HYDIN: variants seen among roughly 807,000 people sequenced by gnomAD.
HYDIN encodes axonemal central pair apparatus protein HYDIN.
HYDIN carries 132 observed loss-of-function variants against 403.9 expected under a neutral mutation model. The observed-to-expected ratio is 0.33, with a 90% CI of 0.28 to 0.38. The LOEUF is 0.38. Ranked by LOEUF, HYDIN falls within the 10% of genes least tolerant of loss-of-function variation. HYDIN has a pLI of 1.00. For synonymous variants in HYDIN, 1,202 were observed against 1,891.7 expected (o/e 0.64, Z 9.46); for missense variants, 2,827 against 5,009.5 (o/e 0.56, Z 13.15).
chr16:70,933,051 T>A (rs1266695393), intron 45 of HYDIN, among the ~76,000 whole-genome samples: 1 of 151,746 alleles, frequency 6.6e-6, no homozygotes, highest in African/African-American at 2.4e-5. Context: ...ACACTTTATG[T>A]TTCTGCAAAC....
At chr16:70,958,319 C>G (rs1397283683) in intron 39 of HYDIN, among the ~76,000 whole-genome samples, 1 of 152,078 alleles carries the variant, frequency 6.6e-6, no homozygotes, top group Non-Finnish European at 1.5e-5. Context: ...TCTGTGAAAG[C>G]TGTAAGGTTC....
At chr16:70,865,072 T>G (rs1421030123) in intron 67 of HYDIN, 2 of 195,810 alleles carry the variant, frequency 1.0e-5, no homozygotes, top group Non-Finnish European at 2.1e-5. Flanking sequence ...ATGAGTTGAA[T>G]GAGCTAATTA....
At chr16:71,178,432 A>ATATATATATATATATATATATATGTAT (rs1555501903) in intron 4 of HYDIN, among the ~76,000 whole-genome samples, 1 of 80,780 alleles carries the variant, frequency 1.2e-5, no homozygotes, top group Non-Finnish European at 2.5e-5. Flanking sequence ...AAAAAAAAAA[A>ATATATATATATATATATATATATGTAT]AAATATATAT....
rs2039366605 is a variant in HYDIN at position 70,860,878 on chromosome 16, T to C, written c.11801A>G (p.Glu3934Gly). The change falls in exon 70 of 86, where the codon GAG (glutamate) becomes GGG (glycine). Residue 3934 changes from glutamate to glycine, a missense_variant. Physicochemically the swap from Glu to Gly is moderately conservative, Grantham distance 98 (BLOSUM62 -2). Transcript: ENST00000393567. Reference sequence around the variant, plus strand: ...TTTTGCTACCAGGACCGGACCTTGCTCTCCAGGTGGCAGGTTGGGAATCCT... The same window carrying C: ...TTTTGCTACCAGGACCGGACCTTGCCCTCCAGGTGGCAGGTTGGGAATCCT... ...FCQIPNLPPG[E>G]QGPVLVAKGR... The C allele has an allele frequency of 3.2e-6, 2 of 633,026 alleles. No homozygotes were observed. Among genetic ancestry groups the C allele is most frequent in the East Asian group, 2.7e-5 (1 of 36,428 alleles). The allele number at this position is 633,026 out of a possible 1,614,324, so 39.2% of individuals were successfully genotyped here. A position where few individuals can be genotyped will look rare whatever the true frequency, so the allele number is the denominator to read the frequency against.
At chr16:71,203,284 A>C (rs1340422216) in intron 1 of HYDIN, among the ~76,000 whole-genome samples, 1 of 151,904 alleles carries the variant, frequency 6.6e-6, no homozygotes, top group East Asian at 1.9e-4. Flanking sequence ...TAGTGTCCTA[A>C]CTAAACGGAC....
intron 40 of HYDIN, 48 bp downstream of exon 40, chr16:70,955,327 G>A (rs371651747): frequency 3.1e-6 from 4 of 1,278,644 alleles, no homozygotes; most frequent in Non-Finnish European, 4.3e-6. Context: ...GTTGTCAGTG[G>A]GGGTGTTGGT....
chr16:71,117,473 T>C (rs960641453), intron 9 of HYDIN, among the ~76,000 whole-genome samples: 4 of 152,090 alleles, frequency 2.6e-5, no homozygotes, highest in African/African-American at 9.7e-5. Flanking sequence ...ACTCAGTAAA[T>C]AACTGACTAC....
intron 47 of HYDIN, among the ~76,000 whole-genome samples, chr16:70,917,025 C>T (rs767916957): frequency 9.0e-4 from 137 of 152,232 alleles, no homozygotes; most frequent in Admixed American, 1.8e-3. Context: ...AGGGCTCAAG[C>T]GATCCTCCCA....
intron 39 of HYDIN, among the ~76,000 whole-genome samples, chr16:70,955,933 C>A (rs1204744969): frequency 7.2e-5 from 11 of 152,198 alleles, no homozygotes; most frequent in Non-Finnish European, 1.3e-4. Context: ...ATTCTCCTGC[C>A]TCAGCCTCCC....
At chr16:70,819,759 T>C (rs1262151933) in intron 83 of HYDIN, among the ~76,000 whole-genome samples, 1 of 151,080 alleles carries the variant, frequency 6.6e-6, no homozygotes, top group East Asian at 1.9e-4. Flanking sequence ...TAGTTCTTTA[T>C]ATAGTCTGGC....
intron 41 of HYDIN, 73 bp from the exon 42 acceptor site, chr16:70,944,022 C>A: frequency 8.7e-7 from 1 of 1,148,580 alleles, no homozygotes; most frequent in African/African-American, 1.5e-5. Context: ...TTACCAGCCA[C>A]AGGACCTTGG....
At chr16:71,192,628 C>G (rs921403737) in intron 1 of HYDIN, among the ~76,000 whole-genome samples, 1 of 152,164 alleles carries the variant, frequency 6.6e-6, no homozygotes, top group Non-Finnish European at 1.5e-5. Context: ...CCAGATTCAG[C>G]TGTCACCTCT....
chr16:70,882,213 T>A (rs2040851101), intron 60 of HYDIN, among the ~76,000 whole-genome samples: 1 of 152,162 alleles, frequency 6.6e-6, no homozygotes, highest in African/African-American at 2.4e-5. Context: ...AAGGAGGCAG[T>A]AAATATAAAT....
intron 18 of HYDIN, among the ~76,000 whole-genome samples, chr16:71,042,611 GT>G (rs1293474887): frequency 9.2e-5 from 14 of 152,228 alleles, no homozygotes; most frequent in Admixed American, 7.2e-4. Context: ...CTATGACGAC[GT>G]TTCCCTTCTT....
At chr16:71,182,580 G>T (rs2144658482) in intron 3 of HYDIN, among the ~76,000 whole-genome samples, 1 of 152,250 alleles carries the variant, frequency 6.6e-6, no homozygotes, top group South Asian at 2.1e-4. Context: ...AAAGCAGGAA[G>T]AAAGAGACAA....
At chr16:71,056,205 G>A (rs1262489266) in intron 18 of HYDIN, among the ~76,000 whole-genome samples, 1 of 150,904 alleles carries the variant, frequency 6.6e-6, no homozygotes, top group Non-Finnish European at 1.5e-5. Flanking sequence ...AGCCTGCTGG[G>A]AACTGTTGGT....
At chr16:70,990,309 T>C (rs1270306911) in intron 25 of HYDIN, among the ~76,000 whole-genome samples, 3 of 141,182 alleles carry the variant, frequency 2.1e-5, no homozygotes, top group Non-Finnish European at 4.5e-5. Context: ...GCACGAGAAT[T>C]GCTTGAACCC....
At chr16:70,943,660 TCGA>T in intron 42 of HYDIN, 149 bp downstream of exon 42, 1 of 1,099,680 alleles carries the variant, frequency 9.1e-7, no homozygotes, top group South Asian at 1.9e-5. Flanking sequence ...GGGTCAGGGG[TCGA>T]CAAGAGCTGT....
chr16:71,012,354 A>G (rs1410991417), intron 23 of HYDIN, among the ~76,000 whole-genome samples: 3 of 152,248 alleles, frequency 2.0e-5, no homozygotes, highest in Non-Finnish European at 1.5e-5. Context: ...ACCATCCACC[A>G]TGGTTGACCC....
Sources: allele counts gnomAD v4.1 joint callset (sites outside exome capture counted in the v4.1 genomes callset), GRCh38; gene constraint gnomAD v4.1.1; transcripts MANE v1.5; gene names NCBI Gene and HGNC (gene_info 2026-07-23, HGNC 2026-07-21).